Variants in ODF2 observed in about 807,000 individuals in gnomAD.
The protein encoded by ODF2 is outer dense fiber of sperm tails 2.
A neutral mutation model predicts 110.2 loss-of-function variants in ODF2; 47 were observed. That is an observed-to-expected ratio of 0.43 (90% confidence interval 0.34 to 0.54). The LOEUF (loss-of-function observed/expected upper bound fraction) is 0.54, where lower values mean the gene tolerates loss of function less well. Among genes scored for constraint, ODF2 ranks in the 20% least tolerant of loss-of-function variants. The pLI is 0.03. For synonymous variants in ODF2, 352 were observed against 397.7 expected, an observed-to-expected ratio of 0.89 and a Z score of 1.37; for missense variants, 812 against 1,054.5, an observed-to-expected ratio of 0.77 and a Z score of 3.19.
chr9:128,486,049 A>T (rs1181743660), intron 13 of ODF2, among the ~76,000 whole-genome samples: 1 of 152,158 alleles, frequency 6.6e-6, no homozygotes, highest in East Asian at 1.9e-4. Flanking sequence ...TTGGAAAAAC[A>T]TATATTGAGC....
chr9:128,488,142 A>G (rs1843770381), intron 14 of ODF2, 117 bp downstream of exon 14: 1 of 1,235,028 alleles, frequency 8.1e-7, no homozygotes, highest in African/African-American at 1.5e-5. Context: ...AAAAGCCTGG[A>G]TTTGACCAGG....
At chr9:128,474,130 T>A (rs536776774) in intron 8 of ODF2, among the ~76,000 whole-genome samples, 1 of 152,276 alleles carries the variant, frequency 6.6e-6, no homozygotes, top group East Asian at 1.9e-4. Context: ...AGGGTGGGCA[T>A]GGTGGATCAC....
chr9:128,499,109 C>T (rs767998849), exon 20 of ODF2: 61 of 1,614,014 alleles, frequency 3.8e-5, no homozygotes, highest in Middle Eastern at 1.6e-4. Context: ...GAGCCAGCTG[C>T]GGCGGAGCCG....
At chr9:128,466,704 G>A (rs987492991) in intron 4 of ODF2, among the ~76,000 whole-genome samples, 18 of 148,472 alleles carry the variant, frequency 1.2e-4, no homozygotes, top group African/African-American at 3.4e-4. Flanking sequence ...GTGGCCGGGC[G>A]TGGTGGCTCA....
intron 10 of ODF2, 111 bp from the exon 11 acceptor site, chr9:128,483,827 A>C (rs1262598294): frequency 6.5e-6 from 5 of 763,846 alleles, no homozygotes; most frequent in Admixed American, 1.7e-5. Context: ...TGGAGGTTGC[A>C]GTGAGCTGAG....
exon 2 of ODF2, chr9:128,457,249 C>T (rs767272414): frequency 1.0e-5 from 16 of 1,587,266 alleles, no homozygotes; most frequent in Admixed American, 5.1e-5. Flanking sequence ...AAGTTTTCAT[C>T]CAACTGCCAA....
intron 6 of ODF2, 24 bp from the exon 7 acceptor site, chr9:128,472,889 A>C (rs1564482652): frequency 2.5e-6 from 4 of 1,613,392 alleles, no homozygotes; most frequent in Non-Finnish European, 3.4e-6. Context: ...GGGAGGGCTC[A>C]CAGAGCCGTC....
At chr9:128,487,215 G>A (rs900864778) in intron 13 of ODF2, among the ~76,000 whole-genome samples, 3 of 152,162 alleles carry the variant, frequency 2.0e-5, no homozygotes, top group Non-Finnish European at 4.4e-5. Context: ...CCAAAGCACT[G>A]GGATTACAGG....
intron 18 of ODF2, 116 bp downstream of exon 18, chr9:128,496,257 AC>A (rs1845542835): frequency 6.5e-7 from 1 of 1,542,156 alleles, no homozygotes; most frequent in Non-Finnish European, 8.7e-7. Flanking sequence ...CCTGGAAGGT[AC>A]TAGGCAGACC....
rs1405901847 is a variant in ODF2 at position 128,494,268 on chromosome 9, G to A, written c.1753-242G>A. Among the ~76,000 whole-genome samples, 1 of 152,128 alleles carries A rather than the reference G, an allele frequency of 6.6e-6. No individual in the cohort carries two copies. Among genetic ancestry groups the A allele is most frequent in the African/African-American group, 2.4e-5 (1 of 41,436 alleles). ...CAGAGAGCCCCTGGTACAATGCCTG[G>A]GTCTTGGTGTTTACTGTGTGGTTGC... is the stretch of plus-strand genomic sequence containing the variant. On this transcript the variant is annotated intron_variant, in intron 16 of 20. Transcript: ENST00000604420. The surrounding 1 kb of genome is among the most constrained non-coding windows in gnomAD (Gnocchi z 4.6).
At chr9:128,490,959 C>T (rs1392508620) in intron 14 of ODF2, among the ~76,000 whole-genome samples, 1 of 152,032 alleles carries the variant, frequency 6.6e-6, no homozygotes, top group African/African-American at 2.4e-5. Context: ...TTCCCACCTG[C>T]ATTATAAGTT....
exon 15 of ODF2, chr9:128,492,526 A>C: frequency 1.2e-6 from 2 of 1,612,432 alleles, no homozygotes; most frequent in South Asian, 2.2e-5. Flanking sequence ...ATTGACAACT[A>C]TAAGAGTCAG....
rs148382612 is a variant in ODF2 at position 128,496,089 on chromosome 9, G to T, written c.1960G>T (p.Ala654Ser). 5.0e-6 allele frequency: 8 copies of T among 1,613,916 alleles called. No homozygotes were observed. The Admixed American group carries it at 5.0e-5, about 10-fold the overall frequency. ...GGAGATGGCGAGAGAGAAACATCAGGCTTCCCAGAAGGAAAATAAACAGCT... is the reference window on the plus strand; with the variant it reads ...GGAGATGGCGAGAGAGAAACATCAGTCTTCCCAGAAGGAAAATAAACAGCT... Residue 654 changes from alanine (A) to serine (S), a missense_variant, in exon 18 of 21, where the codon GCT becomes TCT. By Grantham distance (99) the Ala-to-Ser change is moderately conservative. Coordinates refer to ENST00000604420, the Ensembl canonical transcript of ODF2.
intron 3 of ODF2, among the ~76,000 whole-genome samples, chr9:128,459,961 G>T (rs1835991660): frequency 6.6e-6 from 1 of 152,066 alleles, no homozygotes; most frequent in African/African-American, 2.4e-5. Flanking sequence ...TGAGGGGAAG[G>T]ATAAGAGCTG....
At chr9:128,462,368 C>T (rs1329616158) in intron 4 of ODF2, among the ~76,000 whole-genome samples, 4 of 152,062 alleles carry the variant, frequency 2.6e-5, no homozygotes, top group South Asian at 2.1e-4. Context: ...AGGCTGGTCT[C>T]GAACTCCCGA....
intron 5 of ODF2, among the ~76,000 whole-genome samples, chr9:128,470,698 A>G (rs1034503818): frequency 6.6e-6 from 1 of 151,268 alleles, no homozygotes; most frequent in Non-Finnish European, 1.5e-5. Context: ...CTCTCCTCCT[A>G]TGGTGTGCCA....
upstream of ODF2, chr9:128,455,356 C>A: frequency 1.4e-6 from 1 of 701,414 alleles, no homozygotes; most frequent in Non-Finnish European, 2.3e-6. Context: ...TGGAGACTAT[C>A]CTGCCCAACA....
At chr9:128,474,896 G>A (rs1044723915) in intron 8 of ODF2, among the ~76,000 whole-genome samples, 23 of 150,224 alleles carry the variant, frequency 1.5e-4, no homozygotes, top group African/African-American at 5.6e-4. Flanking sequence ...CCTGGGAGGC[G>A]GAGGTTGCAG....
chr9:128,473,309 C>T (rs1840483993), intron 7 of ODF2: 1 of 935,048 alleles, frequency 1.1e-6, no homozygotes, highest in Non-Finnish European at 1.3e-6. Flanking sequence ...TTGATTCCTG[C>T]AAGTATCAGC....
Sources: allele counts gnomAD v4.1 joint callset (sites outside exome capture counted in the v4.1 genomes callset), GRCh38; gene constraint gnomAD v4.1.1; non-coding constraint Gnocchi (gnomAD v3.1); transcripts MANE v1.5; gene names NCBI Gene and HGNC (gene_info 2026-07-23, HGNC 2026-07-21).